CNTNAP2: variants seen among roughly 807,000 people sequenced by gnomAD.
CNTNAP2 encodes contactin-associated protein-like 2.
CNTNAP2 carries 98 observed loss-of-function variants against 155.2 expected under a neutral mutation model. The ratio of observed to expected loss-of-function variants is 0.63; its 90% CI spans 0.54 to 0.75. The LOEUF (loss-of-function observed/expected upper bound fraction) is 0.75, where lower values mean the gene tolerates loss of function less well. Among genes scored for constraint, CNTNAP2 ranks in the 30% least tolerant of loss-of-function variants. The pLI, the probability that CNTNAP2 is intolerant of heterozygous loss-of-function variation, is 0.00. For synonymous variants in CNTNAP2, 651 were observed against 631.2 expected (o/e 1.03, Z -0.47); for missense variants, 1,727 against 1,688.1 (o/e 1.02, Z -0.40).
intron 13 of CNTNAP2, among the ~76,000 whole-genome samples, chr7:147,775,901 G>C (rs746560894): frequency 5.9e-5 from 9 of 152,178 alleles, no homozygotes; most frequent in Non-Finnish European, 1.3e-4. Flanking sequence ...GGAATAAGAA[G>C]CTGTTTTCAG....
At chr7:146,691,016 AT>A (rs1472855109) in intron 1 of CNTNAP2, among the ~76,000 whole-genome samples, 2 of 152,134 alleles carry the variant, frequency 1.3e-5, no homozygotes, top group Non-Finnish European at 2.9e-5. Context: ...CAAGGTGTGC[AT>A]TTCTCATTGA....
chr7:147,828,280 C>G (rs569025081), intron 13 of CNTNAP2, among the ~76,000 whole-genome samples: 2 of 152,098 alleles, frequency 1.3e-5, no homozygotes, highest in Non-Finnish European at 2.9e-5. Context: ...AGGGAGCAGA[C>G]AAAATTGGAT....
At chr7:146,861,365 G>C (rs1475406899) in intron 3 of CNTNAP2, among the ~76,000 whole-genome samples, 1 of 151,894 alleles carries the variant, frequency 6.6e-6, no homozygotes, top group Non-Finnish European at 1.5e-5. Context: ...TCATTTTCTT[G>C]AACACATTTT....
At chr7:147,776,862 T>C (rs1210536085) in intron 13 of CNTNAP2, among the ~76,000 whole-genome samples, 1 of 152,068 alleles carries the variant, frequency 6.6e-6, no homozygotes, top group Non-Finnish European at 1.5e-5. Context: ...AATGATGTTT[T>C]ATTTTTCACA....
chr7:146,659,088 G>T (rs1464532174), intron 1 of CNTNAP2, among the ~76,000 whole-genome samples: 1 of 152,092 alleles, frequency 6.6e-6, no homozygotes, highest in Non-Finnish European at 1.5e-5. Context: ...TTTATTCTCT[G>T]GGTTTCAATT....
intron 10 of CNTNAP2, among the ~76,000 whole-genome samples, chr7:147,450,168 G>GT (rs765696155): frequency 3.3e-5 from 5 of 152,060 alleles, no homozygotes; most frequent in Admixed American, 2.0e-4. Flanking sequence ...AGCAAAGAAC[G>GT]TTTTTTTCCC....
chr7:147,107,598 C>G (rs760702786), intron 4 of CNTNAP2, among the ~76,000 whole-genome samples: 1 of 151,794 alleles, frequency 6.6e-6, no homozygotes, highest in Admixed American at 6.6e-5. Flanking sequence ...TCTGAAAATT[C>G]GATTGGTTGT....
At chr7:147,447,341 A>G (rs565883811) in intron 10 of CNTNAP2, among the ~76,000 whole-genome samples, 1 of 152,286 alleles carries the variant, frequency 6.6e-6, no homozygotes, top group Admixed American at 6.5e-5. Context: ...CATACTTAGA[A>G]AAGAAGATAG....
At chr7:146,958,349 C>G (rs1377314131) in intron 3 of CNTNAP2, among the ~76,000 whole-genome samples, 1 of 149,328 alleles carries the variant, frequency 6.7e-6, no homozygotes, top group African/African-American at 2.5e-5. Flanking sequence ...AATGACGCAT[C>G]TAAAATTTTT....
At chr7:146,593,743 T>G (rs1798818364) in intron 1 of CNTNAP2, among the ~76,000 whole-genome samples, 1 of 152,192 alleles carries the variant, frequency 6.6e-6, no homozygotes, top group Non-Finnish European at 1.5e-5. Flanking sequence ...CTTTGAAGTT[T>G]TATTAATCTC....
At chr7:146,528,782 A>T (rs1166991147) in intron 1 of CNTNAP2, among the ~76,000 whole-genome samples, 2 of 152,162 alleles carry the variant, frequency 1.3e-5, no homozygotes, top group African/African-American at 4.8e-5. Context: ...TCTTGTCAAC[A>T]TATGAGAACT....
intron 1 of CNTNAP2, among the ~76,000 whole-genome samples, chr7:146,529,395 C>G (rs767173262): frequency 2.4e-4 from 36 of 152,102 alleles, no homozygotes; most frequent in Non-Finnish European, 5.1e-4. Context: ...GGGTTCCTAA[C>G]ATGAGGTCAA....
At chr7:148,091,530 A>G (rs1210116356) in intron 15 of CNTNAP2, among the ~76,000 whole-genome samples, 8 of 152,360 alleles carry the variant, frequency 5.3e-5, no homozygotes, top group Non-Finnish European at 8.8e-5. Context: ...GGACAAAATC[A>G]TGAATTAAAA....
intron 13 of CNTNAP2, among the ~76,000 whole-genome samples, chr7:147,827,460 A>C (rs1466072399): frequency 6.6e-6 from 1 of 152,206 alleles, no homozygotes; most frequent in Non-Finnish European, 1.5e-5. Flanking sequence ...TAACAAAAAA[A>C]ATTGTTGAGT....
Position 147,067,769 on chromosome 7 carries a change from G to A in CNTNAP2, c.550+23715G>A, listed in dbSNP as rs760385707. Among the ~76,000 whole-genome samples the A allele has an allele frequency of 4.6e-5, 7 of 152,302 alleles. 1 individual carries two copies. In the South Asian group the frequency reaches 1.4e-3, roughly 32 times the overall value. ...AGAAAATAATTTCAACAAGCATTCTGTTGAGTATCTTATGAAGTCTCCTCA... is the reference window on the plus strand; with the variant it reads ...AGAAAATAATTTCAACAAGCATTCTATTGAGTATCTTATGAAGTCTCCTCA... On this transcript the variant is annotated intron_variant, in intron 4 of 23. Transcript: ENST00000361727.
chr7:146,677,893 G>C (rs1179997698), intron 1 of CNTNAP2, among the ~76,000 whole-genome samples: 1 of 151,988 alleles, frequency 6.6e-6, no homozygotes, highest in South Asian at 2.1e-4. Context: ...GTTGGGATGT[G>C]GAGTGTTGGA....
chr7:147,998,103 C>CTTTTT (rs71188938), intron 15 of CNTNAP2, among the ~76,000 whole-genome samples: 13 of 75,804 alleles, frequency 1.7e-4, no homozygotes, highest in Non-Finnish European at 2.1e-4. Context: ...TTTCTTTTTT[C>CTTTTT]TTTTTTTTTT....
At chr7:148,352,738 A>G (rs895129668) in intron 21 of CNTNAP2, among the ~76,000 whole-genome samples, 2 of 152,152 alleles carry the variant, frequency 1.3e-5, no homozygotes, top group Non-Finnish European at 2.9e-5. Flanking sequence ...CCCAAGTTCA[A>G]CTTTGGACAG....
At chr7:147,222,507 C>T (rs1803423685) in intron 8 of CNTNAP2, among the ~76,000 whole-genome samples, 1 of 152,152 alleles carries the variant, frequency 6.6e-6, no homozygotes, top group South Asian at 2.1e-4. Context: ...CATTTAGAGC[C>T]CTTAGCATAT....
Sources: gnomAD v4.1 joint callset for allele counts (sites outside exome capture counted in the v4.1 genomes callset) on GRCh38, gnomAD v4.1.1 for gene constraint, MANE v1.5 for transcripts, NCBI Gene and HGNC (gene_info 2026-07-23, HGNC 2026-07-21) for gene names.